The following KLHL8 variants were observed in gnomAD, a reference collection of about 807,000 sequenced individuals.
KLHL8 encodes the protein kelch-like protein 8.
KLHL8 carries 38 observed loss-of-function variants against 63.5 expected under a neutral mutation model. That is an observed-to-expected ratio of 0.60 (90% CI 0.46 to 0.78). The LOEUF (loss-of-function observed/expected upper bound fraction) is 0.78. Among genes scored for constraint, KLHL8 ranks in the 30% least tolerant of loss-of-function variants. The pLI is 0.00. For missense variants in KLHL8, 566 were observed against 752.4 expected, an observed-to-expected ratio of 0.75 and a Z score of 2.90; for synonymous variants, 224 against 254.3, an observed-to-expected ratio of 0.88 and a Z score of 1.13.
intron 1 of KLHL8, among the ~76,000 whole-genome samples, chr4:87,216,410 A>C (rs1156577004): frequency 6.6e-6 from 1 of 152,214 alleles, no homozygotes; most frequent in Admixed American, 6.5e-5. Flanking sequence ...CATTTTTACT[A>C]AAGAAACCTG....
At chr4:87,183,117 T>C (rs1300037311) in intron 4 of KLHL8, 86 bp downstream of exon 4, 16 of 888,964 alleles carry the variant, frequency 1.8e-5, no homozygotes, top group Non-Finnish European at 2.4e-5. Flanking sequence ...ACACTAATTA[T>C]ATTACAACTA....
chr4:87,183,432 CTTGG>C, intron 3 of KLHL8, 43 bp from the exon 4 acceptor site: 1 of 1,405,976 alleles, frequency 7.1e-7, no homozygotes, highest in Non-Finnish European at 9.6e-7. Flanking sequence ...TTTATATTTT[CTTGG>C]GAAAATATAA....
chr4:87,178,753 T>A (rs1730933473), intron 4 of KLHL8, 133 bp from the exon 5 acceptor site: 3 of 826,750 alleles, frequency 3.6e-6, no homozygotes, highest in Non-Finnish European at 5.2e-6. Flanking sequence ...ATTATGTTAC[T>A]AGAAATCTAA....
At chr4:87,169,337 T>C (rs1178927317) in intron 8 of KLHL8, among the ~76,000 whole-genome samples, 2 of 152,130 alleles carry the variant, frequency 1.3e-5, no homozygotes, top group African/African-American at 2.4e-5. Flanking sequence ...ACTGGCTTAC[T>C]TGAAGTATTC....
rs893899100 is a variant in KLHL8, at chr4:87,161,598, C to T, written c.*1921G>A. The stretch of plus-strand genomic sequence containing the variant: ...GGAAACAATAACAAGATCCTCTCCC[C>T]GAAAATAAATATAACAAACATATTA... On this transcript the variant is annotated 3_prime_UTR_variant, in exon 10 of 10. Transcript: ENST00000273963. 3 of 152,184 alleles carry T rather than the reference C, an allele frequency of 2.0e-5. No homozygotes were observed. The highest frequency in any genetic ancestry group is 2.1e-4 in the South Asian group (1 of 4,818). The allele number at this position is 152,184 out of a possible 1,614,324, so 9.4% of individuals were successfully genotyped here. A position where few individuals can be genotyped will look rare whatever the true frequency, so the allele number is the denominator to read the frequency against.
At chr4:87,188,932 G>A (rs75510645) in intron 2 of KLHL8, among the ~76,000 whole-genome samples, 6,150 of 152,172 alleles carry the variant, frequency 0.04, 261 homozygotes, top group Admixed American at 0.11. Context: ...ATCAGTGAAC[G>A]TGTGACTAAT....
intron 8 of KLHL8, among the ~76,000 whole-genome samples, chr4:87,169,841 GGCAACA>G (rs1730568781): frequency 6.7e-6 from 1 of 149,266 alleles, no homozygotes; most frequent in South Asian, 2.2e-4. Context: ...CTTCAGCCTG[GGCAACA>G]GAAAGACACT....
At chr4:87,174,208 T>C (rs912703530) in intron 6 of KLHL8, among the ~76,000 whole-genome samples, 4 of 152,040 alleles carry the variant, frequency 2.6e-5, no homozygotes, top group Admixed American at 2.6e-4. Context: ...TACATTTATA[T>C]ATATTAAGGT....
Position 87,178,577 on chromosome 4 carries a change from G to C in KLHL8, c.996C>G (p.Pro332=). 6.2e-7 allele frequency: 1 copy of C among 1,607,770 alleles called. No individual in the cohort carries two copies. The highest frequency in any genetic ancestry group is 8.5e-7 in the Non-Finnish European group (1 of 1,178,368). ...TAGAATAGCATTCAATACTGCGAAA[G>C]GGGTCACCAGATCCACCTCGACCAC... ...CVGGRGGSGD[P]FRSIECYSIN... Residue 332 remains proline (P), a synonymous_variant, in exon 5 of 10, where the codon CCC becomes CCG. Transcript: ENST00000273963.
At chr4:87,221,029 T>G (rs1732824462), upstream of KLHL8, 1 of 152,196 alleles carries the variant, frequency 6.6e-6, no homozygotes, top group Admixed American at 6.5e-5. Context: ...ACAAAACAAC[T>G]GTGTTTATAA....
intron 5 of KLHL8, 105 bp downstream of exon 5, chr4:87,178,372 A>C: frequency 8.3e-7 from 1 of 1,207,452 alleles, no homozygotes; most frequent in Non-Finnish European, 1.1e-6. Flanking sequence ...TTTAAAAATA[A>C]TTTACAATTT....
upstream of KLHL8, among the ~76,000 whole-genome samples, chr4:87,224,582 A>G (rs916257525): frequency 6.6e-6 from 1 of 152,312 alleles, no homozygotes. Flanking sequence ...CAAGACCACT[A>G]TCTTCCTGTC....
chr4:87,168,862 G>A (rs144408290), intron 8 of KLHL8, among the ~76,000 whole-genome samples: 5 of 148,464 alleles, frequency 3.4e-5, no homozygotes, highest in Non-Finnish European at 7.4e-5. Context: ...TATTGGGTCT[G>A]TACCTTCATC....
chr4:87,169,096 G>A (rs1169707490), intron 8 of KLHL8, among the ~76,000 whole-genome samples: 1 of 152,076 alleles, frequency 6.6e-6, no homozygotes, highest in Non-Finnish European at 1.5e-5. Context: ...CTTGAGGTCA[G>A]GAGTTCAAGA....
At position 87,220,498 on chromosome 4, in the gene KLHL8, A is replaced by G. The variant is rs1168926860; in HGVS notation, c.-232T>C. 1 of 152,224 alleles carries G rather than the reference A, an allele frequency of 6.6e-6. No individual in the cohort carries two copies. The highest frequency in any genetic ancestry group is 1.5e-5 in the Non-Finnish European group (1 of 68,100). The allele number at this position is 152,224 out of a possible 1,614,324, so 9.4% of individuals were successfully genotyped here. On this transcript the variant is annotated 5_prime_UTR_variant, in exon 1 of 10. Coordinates refer to ENST00000273963, the MANE Select transcript of KLHL8 (RefSeq NM_020803.5). ...CGCTCCCAGAGCCCCGGCCGCCCTC[A>G]GCGGAACCTCACCAACCCCGCGCGA...
chr4:87,227,532 C>A (rs1169995498), intron 1 of KLHL8, among the ~76,000 whole-genome samples: 2 of 152,154 alleles, frequency 1.3e-5, no homozygotes, highest in African/African-American at 4.8e-5. Flanking sequence ...TACCTATAGT[C>A]CCAGCTATCT....
At chr4:87,234,867 T>G (rs944588099) in intron 1 of KLHL8, among the ~76,000 whole-genome samples, 1 of 152,214 alleles carries the variant, frequency 6.6e-6, no homozygotes. Context: ...TTGACGATCC[T>G]GACACTGTGT....
upstream of KLHL8, chr4:87,220,865 G>A (rs1359769935): frequency 6.6e-6 from 1 of 152,222 alleles, no homozygotes; most frequent in African/African-American, 2.4e-5. Context: ...CTTCACTTCT[G>A]CGGCGGTACA....
intron 1 of KLHL8, among the ~76,000 whole-genome samples, chr4:87,219,359 A>G (rs1235550425): frequency 1.3e-5 from 2 of 152,250 alleles, no homozygotes; most frequent in Non-Finnish European, 2.9e-5. Flanking sequence ...CCAAGAGTCC[A>G]ACAATTACCA....
Sources: allele counts gnomAD v4.1 joint callset (sites outside exome capture counted in the v4.1 genomes callset), GRCh38; gene constraint gnomAD v4.1.1; transcripts MANE v1.5; gene names NCBI Gene and HGNC (gene_info 2026-07-23, HGNC 2026-07-21).